The following NR2C2 variants were observed in gnomAD, a reference collection of about 807,000 sequenced individuals.
The protein encoded by NR2C2 is nuclear receptor subfamily 2 group C member 2.
A neutral mutation model predicts 62.9 loss-of-function variants in NR2C2; 6 were observed. The observed-to-expected ratio is 0.10, with a 90% CI of 0.05 to 0.19. The LOEUF (loss-of-function observed/expected upper bound fraction) is 0.19. Ranked by LOEUF, NR2C2 falls within the 10% of genes least tolerant of loss-of-function variation. NR2C2 has a pLI of 1.00. For missense variants in NR2C2, 479 were observed against 762.7 expected, an observed-to-expected ratio of 0.63 and a Z score of 4.38; for synonymous variants, 272 against 273.8, an observed-to-expected ratio of 0.99 and a Z score of 0.07.
intron 1 of NR2C2, among the ~76,000 whole-genome samples, chr3:14,952,420 T>C (rs1161075032): frequency 1.3e-5 from 2 of 152,176 alleles, no homozygotes; most frequent in Non-Finnish European, 2.9e-5. Context: ...TACGCTCCTT[T>C]AGTCCCAAAC....
At chr3:14,952,844 C>A (rs2039407888) in intron 1 of NR2C2, among the ~76,000 whole-genome samples, 1 of 152,180 alleles carries the variant, frequency 6.6e-6, no homozygotes. Context: ...CACTTCAGGT[C>A]CTGAGTGCTA....
At chr3:15,002,744 C>T (rs1396571794) in intron 1 of NR2C2, among the ~76,000 whole-genome samples, 5 of 147,784 alleles carry the variant, frequency 3.4e-5, no homozygotes, top group South Asian at 4.3e-4. Context: ...CTGCAACCTC[C>T]GCCTCCCGGG....
intron 1 of NR2C2, among the ~76,000 whole-genome samples, chr3:14,989,595 C>G (rs2040608713): frequency 6.6e-6 from 1 of 151,972 alleles, no homozygotes; most frequent in East Asian, 1.9e-4. Context: ...AGGTATCAGT[C>G]TGGGCAACAT....
At chr3:15,008,240 G>A (rs1200468085) in intron 2 of NR2C2, among the ~76,000 whole-genome samples, 2 of 151,062 alleles carry the variant, frequency 1.3e-5, no homozygotes, top group Non-Finnish European at 2.9e-5. Context: ...TTAAATTAGG[G>A]GGCTGAGTGC....
At chr3:14,982,708 T>G (rs2040408576) in intron 1 of NR2C2, among the ~76,000 whole-genome samples, 2 of 152,164 alleles carry the variant, frequency 1.3e-5, no homozygotes, top group Admixed American at 1.3e-4. Flanking sequence ...GATTTTTATG[T>G]TATCTATGAT....
At chr3:15,010,108 C>G (rs976895380) in intron 2 of NR2C2, among the ~76,000 whole-genome samples, 1 of 152,168 alleles carries the variant, frequency 6.6e-6, no homozygotes, top group African/African-American at 2.4e-5. Flanking sequence ...CAGTTCTATG[C>G]ACAATACCTC....
rs980999309 is a variant in NR2C2 at position 14,995,528 on chromosome 3, C to G, written c.-39-8348C>G. Among the ~76,000 whole-genome samples, 3 of 152,146 alleles carry G rather than the reference C, an allele frequency of 2.0e-5. No individual in the cohort carries two copies. In the East Asian group the frequency reaches 5.8e-4, roughly 29 times the overall value. On this transcript the variant is annotated intron_variant, in intron 1 of 13. Coordinates refer to ENST00000425241, the MANE Select transcript of NR2C2 (RefSeq NM_001291694.2). Reference sequence around the variant, plus strand: ...GTACCAGTACTTCGTTTCATTATTGCCAAATAATATGCCATTGTATGGATA... The same window carrying G: ...GTACCAGTACTTCGTTTCATTATTGGCAAATAATATGCCATTGTATGGATA...
rs1161512208 is a variant in NR2C2, at chr3:15,045,567, T to TAG, written c.*2559_*2560insAG. 9.2e-5 allele frequency: 14 copies of TAG among 152,826 alleles called. No individual in the cohort carries two copies. Among genetic ancestry groups the TAG allele is most frequent in the Non-Finnish European group, 1.3e-4 (9 of 68,048 alleles). 9.5% of individuals were successfully genotyped at this position (152,826 alleles called of 1,614,324 possible). The stretch of plus-strand genomic sequence containing the variant: ...GGCCTTACTTTGAAGTGGCCTTTTC[T>TAG]TTAAGGATCATGTCCACGTAACCTG... On this transcript the variant is annotated 3_prime_UTR_variant, in exon 14 of 14. Transcript: ENST00000425241.
intron 13 of NR2C2, among the ~76,000 whole-genome samples, chr3:15,039,933 G>A (rs2042207195): frequency 2.0e-5 from 3 of 151,558 alleles, no homozygotes; most frequent in African/African-American, 2.4e-5. Context: ...GGTGGATCAG[G>A]AGGTCACGAG....
chr3:15,036,171 CAG>C (rs1301767450), intron 11 of NR2C2, among the ~76,000 whole-genome samples: 1 of 152,086 alleles, frequency 6.6e-6, no homozygotes, highest in Non-Finnish European at 1.5e-5. Context: ...GCCTGGGTGA[CAG>C]AGCGAAACTA....
At chr3:15,037,200 GTTT>G (rs1218927439) in intron 11 of NR2C2, among the ~76,000 whole-genome samples, 1 of 137,004 alleles carries the variant, frequency 7.3e-6, no homozygotes, top group Admixed American at 7.4e-5. Flanking sequence ...TTGTGTTATT[GTTT>G]TTTGTTTGTG....
intron 11 of NR2C2, 115 bp downstream of exon 11, chr3:15,034,924 C>A: frequency 9.0e-7 from 1 of 1,107,592 alleles, no homozygotes. Context: ...TTGACCCAGG[C>A]TGGCAACATA....
At chr3:14,997,203 C>A (rs111659484) in intron 1 of NR2C2, among the ~76,000 whole-genome samples, 3 of 152,298 alleles carry the variant, frequency 2.0e-5, no homozygotes, top group African/African-American at 7.2e-5. Flanking sequence ...TAGTATTCAC[C>A]ACAGTCACAT....
chr3:15,013,842 C>G, intron 3 of NR2C2, 53 bp downstream of exon 3: 1 of 1,579,432 alleles, frequency 6.3e-7, no homozygotes. Context: ...TGAACTTGTT[C>G]CTGACTTGTT....
chr3:14,966,215 A>T (rs1395962235), intron 1 of NR2C2, among the ~76,000 whole-genome samples: 1 of 152,214 alleles, frequency 6.6e-6, no homozygotes, highest in East Asian at 1.9e-4. Context: ...GGAGCATACC[A>T]GTTTCCTTCC....
intron 6 of NR2C2, among the ~76,000 whole-genome samples, chr3:15,023,629 AT>A (rs1219867606): frequency 6.6e-6 from 1 of 152,240 alleles, no homozygotes; most frequent in Non-Finnish European, 1.5e-5. Flanking sequence ...ATGATTCAAG[AT>A]TGGGGCATTT....
At chr3:14,968,699 G>A (rs1370712196) in intron 1 of NR2C2, among the ~76,000 whole-genome samples, 1 of 142,866 alleles carries the variant, frequency 7.0e-6, no homozygotes, top group Non-Finnish European at 1.5e-5. Context: ...TGTTTATTGC[G>A]GCATTATTCA....
chr3:14,967,793 T>C (rs142062677), intron 1 of NR2C2, among the ~76,000 whole-genome samples: 269 of 152,282 alleles, frequency 1.8e-3, no homozygotes, highest in African/African-American at 6.3e-3. Flanking sequence ...AACAGAGATA[T>C]AGATCAATGC....
chr3:15,003,934 G>T lies in NR2C2; in HGVS notation c.20G>T (p.Arg7Leu), dbSNP rs146761800. ...CCAGGGATGACCAGCCCCTCCCCACGCATCCAGATAATCTCCACCGACTCT... is the reference window on the plus strand; with the variant it reads ...CCAGGGATGACCAGCCCCTCCCCACTCATCCAGATAATCTCCACCGACTCT... MTSPSP[R>L]IQIISTDSAV... Residue 7 changes from arginine to leucine, a missense_variant, in exon 2 of 14, where the codon CGC (arginine) becomes CTC (leucine). By Grantham distance (102) the Arg-to-Leu change is moderately radical. Coordinates refer to ENST00000425241, the MANE Select transcript of NR2C2 (RefSeq NM_001291694.2). 1.1e-5 allele frequency: 18 copies of T among 1,613,406 alleles called. No homozygotes were observed. The highest frequency in any genetic ancestry group is 1.5e-5 in the Non-Finnish European group (18 of 1,179,762).
Sources: gnomAD v4.1 joint callset for allele counts (sites outside exome capture counted in the v4.1 genomes callset) on GRCh38, gnomAD v4.1.1 for gene constraint, MANE v1.5 for transcripts, NCBI Gene and HGNC (gene_info 2026-07-23, HGNC 2026-07-21) for gene names.